Variants in TRERF1 observed in about 807,000 individuals in gnomAD.
TRERF1 encodes the protein transcriptional-regulating factor 1.
A neutral mutation model predicts 122.9 loss-of-function variants in TRERF1; 27 were observed. The observed-to-expected ratio is 0.22, with a 90% CI of 0.16 to 0.30. The LOEUF (loss-of-function observed/expected upper bound fraction) is 0.30. Ranked by LOEUF, TRERF1 falls within the 10% of genes least tolerant of loss-of-function variation. The pLI is 1.00. For synonymous variants in TRERF1, 636 were observed against 641.7 expected (o/e 0.99, Z 0.13); for missense variants, 1,248 against 1,560.3 (o/e 0.80, Z 3.37).
intron 4 of TRERF1, among the ~76,000 whole-genome samples, chr6:42,277,677 C>T (rs35340321): frequency 0.027 from 4,153 of 152,048 alleles, 57 homozygotes; most frequent in Non-Finnish European, 0.037. Context: ...ATAGTGAGAC[C>T]CCATTTCTAC....
rs185101021 is a variant in TRERF1 at position 42,246,483 on chromosome 6, G to C, written c.2718C>G (p.Ser906Arg). Residue 906 changes from serine (S) to arginine (R), a missense_variant, in exon 14 of 18, where the codon AGC becomes AGG. Ser to Arg is a moderately radical substitution (Grantham distance 110). This residue lies in a region of TRERF1 where 58 missense variants were observed against 132.5 expected (regional missense o/e 0.44). Coordinates refer to ENST00000372922, the Ensembl canonical transcript of TRERF1. ...TCTTCTGTACAAAAATAAAGTCTTT[G>C]CTGTAAGTGGCTAGTGCTTTGTTAA... The C allele has an allele frequency of 1.8e-5, 28 of 1,596,726 alleles. No individual in the cohort carries two copies. The East Asian group carries it at 6.2e-4, about 35-fold the overall frequency.
At chr6:42,395,029 C>T (rs1162763766) in intron 2 of TRERF1, among the ~76,000 whole-genome samples, 1 of 152,226 alleles carries the variant, frequency 6.6e-6, no homozygotes, top group African/African-American at 2.4e-5. Flanking sequence ...ATCTGTAACA[C>T]CGGCACTTGT....
intron 2 of TRERF1, among the ~76,000 whole-genome samples, chr6:42,425,356 CA>C (rs386700627): frequency 0.036 from 5,272 of 146,976 alleles, 193 homozygotes; most frequent in East Asian, 0.092. Context: ...TGACAGCCCC[CA>C]ACCAACCCCC....
chr6:42,379,297 CAA>C (rs2151123374), intron 2 of TRERF1, among the ~76,000 whole-genome samples: 1 of 152,028 alleles, frequency 6.6e-6, no homozygotes, highest in South Asian at 2.1e-4. Context: ...CCTACCATGC[CAA>C]AGAGATGGAT....
At chr6:42,324,996 C>T (rs1163283259) in intron 3 of TRERF1, among the ~76,000 whole-genome samples, 2 of 152,126 alleles carry the variant, frequency 1.3e-5, no homozygotes, top group African/African-American at 4.8e-5. Flanking sequence ...TGTTTGCAAA[C>T]TCTGCATCTG....
At chr6:42,238,959 C>T (rs1047703463) in intron 15 of TRERF1, among the ~76,000 whole-genome samples, 1 of 152,118 alleles carries the variant, frequency 6.6e-6, no homozygotes, top group African/African-American at 2.4e-5. Flanking sequence ...CAAGGTCACA[C>T]AGCTGGTAAA....
intron 4 of TRERF1, among the ~76,000 whole-genome samples, chr6:42,274,263 C>G (rs115328104): frequency 1.8e-3 from 269 of 152,218 alleles, no homozygotes; most frequent in African/African-American, 6.2e-3. Context: ...AGATCTCTGC[C>G]CCAGAGATGA....
At position 42,268,586 on chromosome 6, in the gene TRERF1, G is replaced by A. The variant is rs745349089; in HGVS notation, c.1005C>T (p.His335=). 7 of 1,613,910 alleles carry A rather than the reference G, an allele frequency of 4.3e-6. No individual in the cohort carries two copies. Among genetic ancestry groups the A allele is most frequent in the Admixed American group, 1.7e-5 (1 of 60,008 alleles). ...TCTGTTGCTGCTGCTGCTCTTGCAA[G>A]TGCTGCATCATGGGTTGGGGCTGAT... Residue 335 remains histidine (H), a synonymous_variant, in exon 5 of 18, where the codon CAC becomes CAT. Transcript: ENST00000372922. This position sits in a 1 kb window ranked among gnomAD's most constrained non-coding sequence, Gnocchi z 4.4.
chr6:42,373,455 C>T (rs1774153952), intron 2 of TRERF1, among the ~76,000 whole-genome samples: 1 of 152,152 alleles, frequency 6.6e-6, no homozygotes, highest in Non-Finnish European at 1.5e-5. Flanking sequence ...ATCATGGGGT[C>T]AGGAGATCGA....
intron 3 of TRERF1, among the ~76,000 whole-genome samples, chr6:42,308,606 AAAG>A (rs1246214093): frequency 1.1e-4 from 17 of 152,240 alleles, no homozygotes; most frequent in African/African-American, 4.1e-4. Flanking sequence ...GTGCAGCCAT[AAAG>A]AAGAACGAGA....
chr6:42,252,588 A>G (rs981791362), intron 13 of TRERF1, among the ~76,000 whole-genome samples: 2 of 152,210 alleles, frequency 1.3e-5, no homozygotes, highest in African/African-American at 2.4e-5. Flanking sequence ...GAGCAACCCA[A>G]CAGGGCTCAG....
intron 2 of TRERF1, among the ~76,000 whole-genome samples, chr6:42,427,760 G>C (rs1783857375): frequency 6.6e-6 from 1 of 151,808 alleles, no homozygotes; most frequent in Non-Finnish European, 1.5e-5. Flanking sequence ...ATGTTGCCCA[G>C]GCTGGTCTTG....
At chr6:42,446,808 G>C (rs745370776) in intron 2 of TRERF1, among the ~76,000 whole-genome samples, 1 of 152,134 alleles carries the variant, frequency 6.6e-6, no homozygotes, top group Non-Finnish European at 1.5e-5. Flanking sequence ...TTCAAGACCA[G>C]CCTGGTCAAC....
chr6:42,349,221 T>G (rs1460910632), intron 3 of TRERF1, among the ~76,000 whole-genome samples: 2 of 152,014 alleles, frequency 1.3e-5, no homozygotes, highest in African/African-American at 4.8e-5. Flanking sequence ...GGGAACCCAG[T>G]CAGGGGCAAC....
intron 3 of TRERF1, among the ~76,000 whole-genome samples, chr6:42,305,365 C>T (rs759119647): frequency 2.6e-5 from 4 of 152,184 alleles, no homozygotes; most frequent in South Asian, 2.1e-4. Context: ...CACAGCCCCA[C>T]GCTGCTATCA....
At chr6:42,413,736 C>T (rs895287770) in intron 2 of TRERF1, among the ~76,000 whole-genome samples, 2 of 152,060 alleles carry the variant, frequency 1.3e-5, no homozygotes, top group South Asian at 4.1e-4. Flanking sequence ...CCAGAATCTG[C>T]GTTTTAACAA....
chr6:42,244,779 C>G (rs1277362442), intron 14 of TRERF1, among the ~76,000 whole-genome samples: 1 of 152,216 alleles, frequency 6.6e-6, no homozygotes, highest in Non-Finnish European at 1.5e-5. Context: ...GTTATGATGA[C>G]AGAGCTTAGG....
chr6:42,331,704 A>G (rs1296341228), intron 3 of TRERF1, among the ~76,000 whole-genome samples: 1 of 152,174 alleles, frequency 6.6e-6, no homozygotes, highest in Non-Finnish European at 1.5e-5. Context: ...CCTGTGAGCC[A>G]CAGGGCTGGG....
At chr6:42,292,724 C>T (rs912495093) in intron 4 of TRERF1, among the ~76,000 whole-genome samples, 1 of 152,076 alleles carries the variant, frequency 6.6e-6, no homozygotes, top group African/African-American at 2.4e-5. Context: ...GTTCAAGACC[C>T]CCGAAGAGGA....
Sources: allele counts gnomAD v4.1 joint callset (sites outside exome capture counted in the v4.1 genomes callset), GRCh38; gene constraint gnomAD v4.1.1; regional missense constraint gnomAD v4.1.1; non-coding constraint Gnocchi (gnomAD v3.1); transcripts MANE v1.5; gene names NCBI Gene and HGNC (gene_info 2026-07-23, HGNC 2026-07-21).